IQCM: variants seen among roughly 807,000 people sequenced by gnomAD.
The protein encoded by IQCM is IQ domain-containing protein M.
Under a neutral mutation model 57.6 loss-of-function variants are expected in IQCM, and 45 were observed. The observed-to-expected ratio is 0.78, with a 90% confidence interval of 0.62 to 1.00. IQCM has a LOEUF of 1.00. Among genes scored for constraint, IQCM ranks in the 50% least tolerant of loss-of-function variants. IQCM has a pLI of 0.00. For missense variants in IQCM, 468 were observed against 511.6 expected, an observed-to-expected ratio of 0.91 and a Z score of 0.82; for synonymous variants, 148 against 158.9, an observed-to-expected ratio of 0.93 and a Z score of 0.51.
At chr4:149,583,792 T>C (rs1752419847) in intron 9 of IQCM, among the ~76,000 whole-genome samples, 2 of 151,568 alleles carry the variant, frequency 1.3e-5, no homozygotes, top group Admixed American at 6.6e-5. Flanking sequence ...TGGTTCACAG[T>C]TTTTGCTTAG....
chr4:149,629,696 T>C (rs1174962239), intron 7 of IQCM, among the ~76,000 whole-genome samples: 2 of 152,028 alleles, frequency 1.3e-5, no homozygotes, highest in African/African-American at 4.8e-5. Context: ...AGGAAACACA[T>C]TAAAAATAAG....
At chr4:149,603,057 C>T (rs906923672) in intron 8 of IQCM, among the ~76,000 whole-genome samples, 9 of 151,962 alleles carry the variant, frequency 5.9e-5, no homozygotes, top group Middle Eastern at 6.8e-3. Context: ...TGTTCAATTG[C>T]CAAATAACCA....
At chr4:149,501,487 T>C (rs1743233412) in intron 12 of IQCM, among the ~76,000 whole-genome samples, 1 of 151,878 alleles carries the variant, frequency 6.6e-6, no homozygotes, top group Non-Finnish European at 1.5e-5. Flanking sequence ...AAATTCCTAG[T>C]AACATGAAGG....
At chr4:149,620,100 T>A (rs1289590806) in intron 8 of IQCM, among the ~76,000 whole-genome samples, 1 of 151,812 alleles carries the variant, frequency 6.6e-6, no homozygotes, top group East Asian at 1.9e-4. Context: ...GAGGTTGCGG[T>A]GAGCTGAGAT....
chr4:149,704,479 C>A (rs1207770608), intron 5 of IQCM, among the ~76,000 whole-genome samples: 1 of 151,888 alleles, frequency 6.6e-6, no homozygotes, highest in Non-Finnish European at 1.5e-5. Context: ...TGACAGAGAT[C>A]ATACGGCCCA....
At chr4:149,688,289 C>G (rs1399772423) in intron 5 of IQCM, among the ~76,000 whole-genome samples, 1 of 151,968 alleles carries the variant, frequency 6.6e-6, no homozygotes, top group African/African-American at 2.4e-5. Context: ...AAATCAGTAG[C>G]TCTTCCATAC....
chr4:149,391,574 G>A (rs1731859896), intron 13 of IQCM, among the ~76,000 whole-genome samples: 1 of 151,710 alleles, frequency 6.6e-6, no homozygotes, highest in African/African-American at 2.4e-5. Flanking sequence ...GGATTCATAA[G>A]GTAGAAAATT....
chr4:149,653,952 A>T (rs534359325), intron 7 of IQCM, among the ~76,000 whole-genome samples: 1 of 152,114 alleles, frequency 6.6e-6, no homozygotes, highest in Non-Finnish European at 1.5e-5. Flanking sequence ...GTGGATACAC[A>T]TATATTAAAT....
chr4:149,814,338 C>A (rs1774857531), intron 2 of IQCM, among the ~76,000 whole-genome samples: 1 of 152,054 alleles, frequency 6.6e-6, no homozygotes, highest in South Asian at 2.1e-4. Flanking sequence ...AAGCCTGTAA[C>A]TTCCTCCCCT....
intron 12 of IQCM, among the ~76,000 whole-genome samples, chr4:149,506,060 T>C (rs1427059153): frequency 6.6e-6 from 1 of 152,210 alleles, no homozygotes; most frequent in Non-Finnish European, 1.5e-5. Context: ...GATTTATTTA[T>C]ACAAAGAGGT....
At chr4:149,796,580 G>T (rs1455507065) in intron 2 of IQCM, among the ~76,000 whole-genome samples, 1 of 152,110 alleles carries the variant, frequency 6.6e-6, no homozygotes, top group Non-Finnish European at 1.5e-5. Flanking sequence ...GCAGTAGCTA[G>T]GGAGTGATTA....
intron 13 of IQCM, among the ~76,000 whole-genome samples, chr4:149,404,910 C>T (rs999649316): frequency 6.6e-6 from 1 of 151,876 alleles, no homozygotes; most frequent in Non-Finnish European, 1.5e-5. Context: ...GACACAGACA[C>T]CAATCTGTAT....
At chr4:149,415,313 C>T (rs1733667778) in intron 13 of IQCM, among the ~76,000 whole-genome samples, 1 of 152,156 alleles carries the variant, frequency 6.6e-6, no homozygotes, top group Non-Finnish European at 1.5e-5. Flanking sequence ...GAAAGAGAAC[C>T]TGCCATCCAC....
Position 149,359,339 on chromosome 4 carries a change from A to G in IQCM, c.1391-7273T>C, listed in dbSNP as rs552806833. ...AAGTTATACAGATAGAAATACATGT[A>G]AAATATTAAATACCAAAATATTAAT... On this transcript the variant is annotated intron_variant, in intron 13 of 13. Coordinates refer to ENST00000636793, the MANE Select transcript of IQCM (RefSeq NM_001363507.2). Among the ~76,000 whole-genome samples, 13 of 152,334 alleles carry G rather than the reference A, an allele frequency of 8.5e-5. No individual in the cohort carries two copies. The South Asian group carries it at 2.7e-3, about 32-fold the overall frequency.
At chr4:149,648,089 T>A (rs552721727) in intron 7 of IQCM, among the ~76,000 whole-genome samples, 1 of 152,324 alleles carries the variant, frequency 6.6e-6, no homozygotes, top group South Asian at 2.1e-4. Flanking sequence ...TTCCTTTTTA[T>A]AATTTCCTAT....
intron 9 of IQCM, among the ~76,000 whole-genome samples, chr4:149,578,709 C>T (rs1428419056): frequency 1.3e-5 from 2 of 151,848 alleles, no homozygotes; most frequent in African/African-American, 2.4e-5. Flanking sequence ...TGAATGTCCA[C>T]AATTCAGGTG....
intron 12 of IQCM, among the ~76,000 whole-genome samples, chr4:149,487,929 C>G (rs559311858): frequency 6.6e-5 from 10 of 151,942 alleles, no homozygotes; most frequent in Non-Finnish European, 1.3e-4. Context: ...GTTTTTGGTT[C>G]TTCAGATGGT....
intron 5 of IQCM, among the ~76,000 whole-genome samples, chr4:149,726,142 A>AG (rs10666255): frequency 3.8e-5 from 5 of 131,046 alleles, no homozygotes; most frequent in Admixed American, 7.4e-5. Context: ...AAAGAAAGAA[A>AG]AGAAAGAAAG....
At chr4:149,771,671 G>T (rs1054631891) in intron 2 of IQCM, among the ~76,000 whole-genome samples, 2 of 151,944 alleles carry the variant, frequency 1.3e-5, no homozygotes, top group Admixed American at 6.6e-5. Flanking sequence ...AGATTACATT[G>T]TATATCCTAA....
Sources: gnomAD v4.1 joint callset for allele counts (sites outside exome capture counted in the v4.1 genomes callset) on GRCh38, gnomAD v4.1.1 for gene constraint, MANE v1.5 for transcripts, NCBI Gene and HGNC (gene_info 2026-07-23, HGNC 2026-07-21) for gene names.